The following SPMIP2 variants were observed in gnomAD, a reference collection of about 807,000 sequenced individuals.
The protein encoded by SPMIP2 is protein SPMIP2.
the SPMIP2 span, among the ~76,000 whole-genome samples, chr4:159,069,257 C>T: frequency 6.6e-6 from 1 of 152,038 alleles, no homozygotes; most frequent in Admixed American, 6.6e-5. Flanking sequence ...GGGCCAAGAT[C>T]GTGCCACTGC....
the SPMIP2 span, chr4:158,915,235 A>G: frequency 1.9e-6 from 3 of 1,613,608 alleles, no homozygotes; most frequent in Admixed American, 1.7e-5. Context: ...GATGACTTAC[A>G]CTGCCTAACA....
chr4:158,947,505 T>C, the SPMIP2 span, among the ~76,000 whole-genome samples: 1 of 152,244 alleles, frequency 6.6e-6, no homozygotes, highest in Non-Finnish European at 1.5e-5. Flanking sequence ...GTCCTAGCTT[T>C]ATATTGCAAT....
chr4:158,949,055 CT>C, the SPMIP2 span, among the ~76,000 whole-genome samples: 1,130 of 152,130 alleles, frequency 7.4e-3, 19 homozygotes, highest in African/African-American at 0.026. Context: ...TCTTTTTCAT[CT>C]CAGACTTTTT....
the SPMIP2 span, chr4:158,905,120 C>T: frequency 6.6e-6 from 1 of 152,446 alleles, no homozygotes; most frequent in African/African-American, 2.4e-5. Context: ...TGACATAAAA[C>T]ATGTAAGAAT....
the SPMIP2 span, among the ~76,000 whole-genome samples, chr4:158,893,942 G>T: frequency 3.3e-5 from 5 of 152,002 alleles, no homozygotes; most frequent in African/African-American, 1.2e-4. Flanking sequence ...CAAGATCAAA[G>T]AAAATTTTAT....
chr4:159,064,718 T>C, the SPMIP2 span, among the ~76,000 whole-genome samples: 1 of 152,224 alleles, frequency 6.6e-6, no homozygotes, highest in Non-Finnish European at 1.5e-5. Flanking sequence ...TTATTAAAAG[T>C]TTTATACATA....
the SPMIP2 span, among the ~76,000 whole-genome samples, chr4:158,945,035 GC>G: frequency 6.6e-6 from 1 of 152,192 alleles, no homozygotes; most frequent in Non-Finnish European, 1.5e-5. Context: ...GAATTAACTT[GC>G]CCCTGACTAT....
the SPMIP2 span, among the ~76,000 whole-genome samples, chr4:159,044,702 T>C: frequency 6.6e-6 from 1 of 152,166 alleles, no homozygotes; most frequent in African/African-American, 2.4e-5. Context: ...AGGAAAAGCC[T>C]AATTTTAATT....
chr4:158,922,220 T>A, the SPMIP2 span, among the ~76,000 whole-genome samples: 4 of 152,110 alleles, frequency 2.6e-5, no homozygotes, highest in African/African-American at 7.2e-5. Context: ...TGCCTCCTTG[T>A]CTATAACCAA....
At chr4:158,928,346 C>T in the SPMIP2 span, among the ~76,000 whole-genome samples, 2 of 149,228 alleles carry the variant, frequency 1.3e-5, no homozygotes, top group Admixed American at 6.7e-5. Context: ...ATACACCAAT[C>T]GGCACTCTGT....
the SPMIP2 span, among the ~76,000 whole-genome samples, chr4:159,054,463 A>G: frequency 6.6e-6 from 1 of 152,132 alleles, no homozygotes; most frequent in South Asian, 2.1e-4. Flanking sequence ...AAGTTCCACA[A>G]GCCCATTTTG....
At chr4:158,994,059 TAA>T in the SPMIP2 span, among the ~76,000 whole-genome samples, 14 of 152,204 alleles carry the variant, frequency 9.2e-5, no homozygotes, top group Non-Finnish European at 1.9e-4. Context: ...AAGTCAAAAT[TAA>T]ACACTCAGCA....
the SPMIP2 span, among the ~76,000 whole-genome samples, chr4:159,046,903 G>A: frequency 6.6e-6 from 1 of 152,182 alleles, no homozygotes; most frequent in Non-Finnish European, 1.5e-5. Flanking sequence ...GCTTCAGCCT[G>A]TTAAGCATCA....
the SPMIP2 span, among the ~76,000 whole-genome samples, chr4:159,027,736 T>C: frequency 6.6e-6 from 1 of 152,228 alleles, no homozygotes; most frequent in Non-Finnish European, 1.5e-5. Flanking sequence ...TAACTATTAG[T>C]ATGACAGTTT....
chr4:159,046,005 T>C, the SPMIP2 span, among the ~76,000 whole-genome samples: 2 of 152,116 alleles, frequency 1.3e-5, no homozygotes, highest in Non-Finnish European at 2.9e-5. Context: ...ATCCCAGCCC[T>C]TTGGAAAGCC....
the SPMIP2 span, among the ~76,000 whole-genome samples, chr4:159,022,391 G>T: frequency 6.6e-6 from 1 of 152,130 alleles, no homozygotes; most frequent in Non-Finnish European, 1.5e-5. Context: ...AAAATTAAAA[G>T]TATGTTCCCA....
the SPMIP2 span, among the ~76,000 whole-genome samples, chr4:159,043,367 G>A: frequency 6.6e-6 from 1 of 151,966 alleles, no homozygotes; most frequent in African/African-American, 2.4e-5. Context: ...ATTTTTTTGA[G>A]ACGGAGTCTC....
chr4:158,951,613 T>C, the SPMIP2 span, among the ~76,000 whole-genome samples: 1 of 152,048 alleles, frequency 6.6e-6, no homozygotes, highest in Non-Finnish European at 1.5e-5. Context: ...TGTGAGAAAA[T>C]TTAAGTTATC....
the SPMIP2 span, among the ~76,000 whole-genome samples, chr4:159,045,593 A>G: frequency 8.5e-5 from 13 of 152,246 alleles, no homozygotes; most frequent in Non-Finnish European, 1.6e-4. Flanking sequence ...AATAGCTATG[A>G]GAGAGAAAGG....
Sources: allele counts gnomAD v4.1 joint callset (sites outside exome capture counted in the v4.1 genomes callset), GRCh38; gene constraint gnomAD v4.1.1; transcripts MANE v1.5; gene names NCBI Gene and HGNC (gene_info 2026-07-23, HGNC 2026-07-21).